HIVEP2: variants seen among roughly 807,000 people sequenced by gnomAD.
HIVEP2 encodes the protein HIVEP zinc finger 2, also known as transcription factor HIVEP2.
HIVEP2 carries 14 observed loss-of-function variants against 180.7 expected under a neutral mutation model. That is an observed-to-expected ratio of 0.08 (90% CI 0.05 to 0.12). The LOEUF (loss-of-function observed/expected upper bound fraction) is 0.12, where lower values mean the gene tolerates loss of function less well. Among genes scored for constraint, HIVEP2 ranks in the 10% least tolerant of loss-of-function variants. The probability of loss-of-function intolerance (pLI) is 1.00; values close to 1 mark genes in which losing one functional copy is unlikely to be tolerated. For synonymous variants in HIVEP2, 1,184 were observed against 1,136.4 expected (o/e 1.04, Z -0.84); for missense variants, 2,579 against 3,008.5 (o/e 0.86, Z 3.34).
chr6:142,797,282 C>T (rs924202523), intron 2 of HIVEP2, among the ~76,000 whole-genome samples: 3 of 152,084 alleles, frequency 2.0e-5, no homozygotes, highest in Non-Finnish European at 4.4e-5. Context: ...ATTCATTAAA[C>T]TTCATCTATC....
At position 142,854,383 on chromosome 6, in the gene HIVEP2, T is replaced by C. The variant is rs551973860; in HGVS notation, c.-640-17336A>G. ...GCTGGAGCTAAGAAAACCGGTAACA[T>C]TGTAACTCTGCTGCAATAACTTTTT... On this transcript the variant is annotated intron_variant, in intron 1 of 9. Coordinates refer to ENST00000367603, the MANE Select transcript of HIVEP2 (RefSeq NM_006734.4). Among the ~76,000 whole-genome samples, 145 of 152,314 alleles carry C rather than the reference T, an allele frequency of 9.5e-4. 1 individual carries two copies. The highest frequency in any genetic ancestry group is 3.4e-3 in the Middle Eastern group (1 of 294).
chr6:142,856,095 T>C (rs1775812343), intron 1 of HIVEP2, among the ~76,000 whole-genome samples: 1 of 152,202 alleles, frequency 6.6e-6, no homozygotes, highest in Non-Finnish European at 1.5e-5. Context: ...GTCTTCAGTA[T>C]TTGACAACGC....
At position 142,774,981 on chromosome 6, in the gene HIVEP2, A is replaced by G. The variant is rs1477882146; in HGVS notation, c.-243T>C. The G allele has an allele frequency of 7.1e-5, 90 of 1,265,226 alleles. No individual in the cohort carries two copies. The highest frequency in any genetic ancestry group is 8.5e-5 in the Non-Finnish European group (85 of 1,005,500). The allele number at this position is 1,265,226 out of a possible 1,614,324, so 78.4% of individuals were successfully genotyped here. A position where few individuals can be genotyped will look rare whatever the true frequency, so the allele number is the denominator to read the frequency against. ...CTCCATTGTAGAAACGTCCATCCAA[A>G]AGCTAAGTGCAAATCTATAAAGATT... On this transcript the variant is annotated 5_prime_UTR_variant, in exon 5 of 10. Transcript: ENST00000367603. This position sits in a 1 kb window ranked among gnomAD's most constrained non-coding sequence, Gnocchi z 5.1.
chr6:142,801,810 G>A (rs1345366970), intron 2 of HIVEP2, among the ~76,000 whole-genome samples: 1 of 152,110 alleles, frequency 6.6e-6, no homozygotes, highest in Non-Finnish European at 1.5e-5. Context: ...CTCAATCACA[G>A]TTTTATAGAT....
chr6:142,867,911 C>T (rs1487430506), intron 1 of HIVEP2, among the ~76,000 whole-genome samples: 1 of 152,128 alleles, frequency 6.6e-6, no homozygotes, highest in Admixed American at 6.6e-5. Flanking sequence ...TGCACAGGTT[C>T]CTATTCTTGC....
intron 2 of HIVEP2, among the ~76,000 whole-genome samples, chr6:142,791,038 A>T (rs1776125372): frequency 6.6e-6 from 1 of 152,186 alleles, no homozygotes; most frequent in African/African-American, 2.4e-5. Context: ...ACTTCTAATA[A>T]CTGAGCTGCT....
intron 2 of HIVEP2, among the ~76,000 whole-genome samples, chr6:142,791,118 T>C (rs1776126940): frequency 6.6e-6 from 1 of 152,174 alleles, no homozygotes; most frequent in Non-Finnish European, 1.5e-5. Context: ...TGTGTGCCTG[T>C]GTAGAGATAT....
At chr6:142,938,478 A>G (rs966362443) in intron 1 of HIVEP2, among the ~76,000 whole-genome samples, 4 of 152,240 alleles carry the variant, frequency 2.6e-5, no homozygotes, top group Non-Finnish European at 5.9e-5. Context: ...TCTTCTTTAT[A>G]TGGAATTAGA....
intron 3 of HIVEP2, among the ~76,000 whole-genome samples, chr6:142,778,510 T>A (rs931221763): frequency 1.3e-5 from 2 of 152,220 alleles, no homozygotes; most frequent in Non-Finnish European, 1.5e-5. Context: ...TCTAAGTTAT[T>A]TTTCAGATTT....
At chr6:142,786,906 A>G (rs1043250041) in intron 2 of HIVEP2, among the ~76,000 whole-genome samples, 1 of 152,176 alleles carries the variant, frequency 6.6e-6, no homozygotes, top group African/African-American at 2.4e-5. Context: ...AATACACACT[A>G]TATCACAATT....
At chr6:142,764,729 T>C in intron 7 of HIVEP2, 70 bp downstream of exon 7, 5 of 1,120,382 alleles carry the variant, frequency 4.5e-6, no homozygotes, top group Middle Eastern at 2.0e-4. Context: ...AGGTTAGTTA[T>C]AAAATAGCAC....
At chr6:142,806,780 G>A (rs568037348) in intron 2 of HIVEP2, among the ~76,000 whole-genome samples, 2 of 152,018 alleles carry the variant, frequency 1.3e-5, no homozygotes, top group Non-Finnish European at 2.9e-5. Context: ...TCAGCTTTTT[G>A]CATATACATT....
intron 3 of HIVEP2, among the ~76,000 whole-genome samples, chr6:142,778,910 G>A (rs1775771525): frequency 6.6e-6 from 1 of 152,060 alleles, no homozygotes; most frequent in African/African-American, 2.4e-5. Flanking sequence ...GGTTCTGAGA[G>A]AATATAAATG....
At chr6:142,875,484 C>T (rs550442960) in intron 1 of HIVEP2, among the ~76,000 whole-genome samples, 157 of 152,240 alleles carry the variant, frequency 1.0e-3, no homozygotes, top group African/African-American at 3.5e-3. Flanking sequence ...TAATAGGCTA[C>T]TCTGGGGAGT....
intron 1 of HIVEP2, among the ~76,000 whole-genome samples, chr6:142,903,036 G>A (rs960384091): frequency 6.6e-6 from 1 of 152,212 alleles, no homozygotes; most frequent in African/African-American, 2.4e-5. Flanking sequence ...ACTAGGAGCA[G>A]TAAACCGATA....
chr6:142,847,944 T>C (rs12194338), intron 1 of HIVEP2, among the ~76,000 whole-genome samples: 26,692 of 152,150 alleles, frequency 0.18, 2,530 homozygotes, highest in South Asian at 0.21. Context: ...CACAGTTATA[T>C]AACATAATTC....
chr6:142,824,392 C>A (rs956562603), intron 2 of HIVEP2, among the ~76,000 whole-genome samples: 1 of 152,146 alleles, frequency 6.6e-6, no homozygotes, highest in African/African-American at 2.4e-5. Context: ...AAATCCACAA[C>A]GTGAACTGGT....
chr6:142,823,312 T>C (rs750217301), intron 2 of HIVEP2, among the ~76,000 whole-genome samples: 11 of 152,162 alleles, frequency 7.2e-5, no homozygotes, highest in Non-Finnish European at 1.0e-4. Flanking sequence ...ACCTTTATCA[T>C]AGGCATCCAG....
At chr6:142,832,574 G>A (rs1480632685) in intron 2 of HIVEP2, among the ~76,000 whole-genome samples, 1 of 152,168 alleles carries the variant, frequency 6.6e-6, no homozygotes, top group Non-Finnish European at 1.5e-5. Context: ...TAGAAAATGC[G>A]ATTAAGAAAG....
Sources: allele counts gnomAD v4.1 joint callset (sites outside exome capture counted in the v4.1 genomes callset), GRCh38; gene constraint gnomAD v4.1.1; non-coding constraint Gnocchi (gnomAD v3.1); transcripts MANE v1.5; gene names NCBI Gene and HGNC (gene_info 2026-07-23, HGNC 2026-07-21).